CNTNAP2: variants seen among roughly 807,000 people sequenced by gnomAD.
CNTNAP2 encodes the protein contactin-associated protein-like 2.
Under a neutral mutation model 155.2 loss-of-function variants are expected in CNTNAP2, and 98 were observed. That is an observed-to-expected ratio of 0.63 (90% confidence interval 0.54 to 0.75). CNTNAP2 has a LOEUF of 0.75. CNTNAP2 is among the 30% of genes least tolerant of loss of function. The pLI, the probability that CNTNAP2 is intolerant of heterozygous loss-of-function variation, is 0.00. For synonymous variants in CNTNAP2, 651 were observed against 631.2 expected, an observed-to-expected ratio of 1.03 and a Z score of -0.47; for missense variants, 1,727 against 1,688.1, an observed-to-expected ratio of 1.02 and a Z score of -0.40.
chr7:146,415,500 T>G (rs1439300350), intron 1 of CNTNAP2, among the ~76,000 whole-genome samples: 4 of 152,190 alleles, frequency 2.6e-5, no homozygotes, highest in East Asian at 1.9e-4. Context: ...TGGCTTTTAT[T>G]GCCAAAAGAA....
At chr7:146,767,950 C>T (rs1237916384) in intron 1 of CNTNAP2, among the ~76,000 whole-genome samples, 1 of 152,034 alleles carries the variant, frequency 6.6e-6, no homozygotes, top group Admixed American at 6.6e-5. Flanking sequence ...CTGAAAGTCA[C>T]GCCTTTCACC....
chr7:146,662,224 A>G (rs1585030339), intron 1 of CNTNAP2, among the ~76,000 whole-genome samples: 1 of 149,742 alleles, frequency 6.7e-6, no homozygotes, highest in Non-Finnish European at 1.5e-5. Context: ...TGAAACCTCC[A>G]CCTCCCGGGT....
At chr7:146,748,171 C>T (rs1485109997) in intron 1 of CNTNAP2, among the ~76,000 whole-genome samples, 1 of 96,074 alleles carries the variant, frequency 1.0e-5, no homozygotes. Context: ...TTTGAGAAGG[C>T]GTCTTGCTCT....
At chr7:147,185,595 A>G (rs1177022749) in intron 8 of CNTNAP2, among the ~76,000 whole-genome samples, 1 of 152,212 alleles carries the variant, frequency 6.6e-6, no homozygotes, top group Non-Finnish European at 1.5e-5. Context: ...AGAAATAGAG[A>G]TGAATCTTAG....
intron 15 of CNTNAP2, among the ~76,000 whole-genome samples, chr7:147,990,130 A>G (rs913976078): frequency 3.3e-5 from 5 of 152,202 alleles, no homozygotes; most frequent in Non-Finnish European, 7.3e-5. Flanking sequence ...TAAGTGCTAT[A>G]CTTATAATCA....
chr7:147,300,472 G>A (rs1794927874), intron 9 of CNTNAP2, among the ~76,000 whole-genome samples, 182 bp downstream of exon 9: 1 of 152,118 alleles, frequency 6.6e-6, no homozygotes, highest in Non-Finnish European at 1.5e-5. Context: ...TCTTTCTGAT[G>A]AAGATATTAA....
At chr7:146,602,580 A>T (rs1425079311) in intron 1 of CNTNAP2, among the ~76,000 whole-genome samples, 1 of 152,204 alleles carries the variant, frequency 6.6e-6, no homozygotes, top group Non-Finnish European at 1.5e-5. Flanking sequence ...ATGAGTCATC[A>T]TTTCAAAACT....
chr7:147,419,312 T>G (rs1305120736), intron 10 of CNTNAP2, among the ~76,000 whole-genome samples: 2 of 152,270 alleles, frequency 1.3e-5, no homozygotes, highest in South Asian at 2.1e-4. Context: ...AGTCCCTGCT[T>G]GCCCTCTCAT....
intron 15 of CNTNAP2, among the ~76,000 whole-genome samples, chr7:147,994,610 C>T (rs770132125): frequency 5.3e-5 from 8 of 152,156 alleles, no homozygotes; most frequent in Non-Finnish European, 1.0e-4. Flanking sequence ...GAGTTTCTCT[C>T]CAGAAGCTCT....
intron 3 of CNTNAP2, among the ~76,000 whole-genome samples, chr7:146,945,622 C>T (rs1170284821): frequency 3.3e-5 from 5 of 152,050 alleles, no homozygotes; most frequent in East Asian, 3.9e-4. Context: ...CTCATCCCTT[C>T]GTCTTTTCAT....
chr7:148,222,026 G>T (rs1795755231), intron 19 of CNTNAP2, among the ~76,000 whole-genome samples: 1 of 152,192 alleles, frequency 6.6e-6, no homozygotes, highest in South Asian at 2.1e-4. Context: ...GACTCCAGCT[G>T]CCATCCCCTT....
intron 3 of CNTNAP2, among the ~76,000 whole-genome samples, chr7:146,885,420 G>T (rs562675298): frequency 3.3e-5 from 5 of 152,144 alleles, no homozygotes; most frequent in Middle Eastern, 3.4e-3. Flanking sequence ...TTAACTTTGA[G>T]GCATTTCCTG....
chr7:146,462,686 A>G (rs1391257440), intron 1 of CNTNAP2, among the ~76,000 whole-genome samples: 1 of 152,210 alleles, frequency 6.6e-6, no homozygotes, highest in Non-Finnish European at 1.5e-5. Flanking sequence ...GAGATTTTTT[A>G]GTCAAAATAT....
chr7:147,955,343 A>T (rs1293727399), intron 14 of CNTNAP2, among the ~76,000 whole-genome samples: 2 of 152,202 alleles, frequency 1.3e-5, no homozygotes, highest in Admixed American at 1.3e-4. Flanking sequence ...ATTTAAGACA[A>T]CATTAAAAAC....
In CNTNAP2 at chr7:147,527,015, C is replaced by CTTTTTT. The variant is rs888976222; in HGVS notation, c.1778-35101_1778-35096dup. On this transcript the variant is annotated intron_variant, in intron 11 of 23. Transcript: ENST00000361727. ...CATGAATTATGGAAGACAGGCATTT[C>CTTTTTT]TTTTTTTTTTTTTTTTTTTTTTTTT... 4.3e-4 allele frequency among the ~76,000 whole-genome samples: 28 copies of CTTTTTT among 65,164 alleles called. 2 individuals carry two copies. The highest frequency in any genetic ancestry group is 9.4e-4 in the African/African-American group (12 of 12,764). 42.8% of individuals were successfully genotyped at this position (65,164 alleles called of 152,430 possible). A position where few individuals can be genotyped will look rare whatever the true frequency, so the allele number is the denominator to read the frequency against.
chr7:147,476,357 A>G (rs999174209), intron 10 of CNTNAP2, among the ~76,000 whole-genome samples: 14 of 152,076 alleles, frequency 9.2e-5, no homozygotes, highest in South Asian at 4.2e-4. Context: ...CGCCCACCTC[A>G]GCCTCCCAAA....
chr7:148,068,347 G>C (rs1366758223), intron 15 of CNTNAP2, among the ~76,000 whole-genome samples: 1 of 152,114 alleles, frequency 6.6e-6, no homozygotes. Context: ...ATGCCTACAG[G>C]GCTCTTTCTG....
At chr7:146,512,027 C>A (rs979561259) in intron 1 of CNTNAP2, among the ~76,000 whole-genome samples, 6 of 151,570 alleles carry the variant, frequency 4.0e-5, no homozygotes, top group African/African-American at 1.5e-4. Flanking sequence ...TGAATTTTTT[C>A]TTTGAATTTT....
intron 18 of CNTNAP2, among the ~76,000 whole-genome samples, chr7:148,207,443 T>G (rs1562994687): frequency 1.3e-5 from 2 of 152,164 alleles, no homozygotes; most frequent in African/African-American, 4.8e-5. Flanking sequence ...GGAAGCAGAG[T>G]GAGCACCTCG....
Sources: allele counts gnomAD v4.1 joint callset (sites outside exome capture counted in the v4.1 genomes callset), GRCh38; gene constraint gnomAD v4.1.1; transcripts MANE v1.5; gene names NCBI Gene and HGNC (gene_info 2026-07-23, HGNC 2026-07-21).